Variants in SKI observed in about 807,000 individuals in gnomAD.
SKI encodes SKI proto-oncogene.
SKI carries 23 observed loss-of-function variants against 59.3 expected under a neutral mutation model. The observed-to-expected ratio is 0.39, with a 90% CI of 0.28 to 0.55. The LOEUF is 0.55. Among genes scored for constraint, SKI ranks in the 20% least tolerant of loss-of-function variants. The pLI is 0.67. For synonymous variants in SKI, 673 were observed against 488.6 expected (o/e 1.38, Z -4.98); for missense variants, 1,017 against 1,038.9 (o/e 0.98, Z 0.29).
At chr1:2,283,298 C>T (rs1639953949) in intron 1 of SKI, among the ~76,000 whole-genome samples, 1 of 152,212 alleles carries the variant, frequency 6.6e-6, no homozygotes. Flanking sequence ...GCTCTTGTTG[C>T]TGGCCCAGGG....
intron 1 of SKI, among the ~76,000 whole-genome samples, chr1:2,266,775 T>C (rs1370125765): frequency 6.6e-6 from 1 of 152,178 alleles, no homozygotes; most frequent in Non-Finnish European, 1.5e-5. Flanking sequence ...AAAATGAAGA[T>C]GGTGCTGTCG....
Position 2,306,623 on chromosome 1 carries a change from A to C in SKI, c.2045A>C (p.Glu682Ala). The change falls in exon 7 of 7, where the codon GAG becomes GCG. Residue 682 changes from glutamate (E) to alanine (A), a missense_variant. Coordinates refer to ENST00000378536, the MANE Select transcript of SKI (RefSeq NM_003036.4). ...CTGCAGCACGCGGAGGCGGACCGGGAGCAGCTGCGGGCCGACCTGCTGCGG... is the reference window on the plus strand; with the variant it reads ...CTGCAGCACGCGGAGGCGGACCGGGCGCAGCTGCGGGCCGACCTGCTGCGG... ...VKLQHAEADR[E>A]QLRADLLRER... The C allele has an allele frequency of 6.5e-7, 1 of 1,544,838 alleles. No individual in the cohort carries two copies. Among genetic ancestry groups the C allele is most frequent in the Non-Finnish European group, 8.7e-7 (1 of 1,145,500 alleles).
At position 2,304,414 on chromosome 1, in the gene SKI, C is replaced by T. The variant is rs752673852; in HGVS notation, c.1596C>T (p.Ala532=). ...CCGTCCCTGATGCTGCGGCCCCTGC[C>T]GACGCCCCCAGTGGGCTGGAGGCGG... ...PSAVPDAAAP[A]DAPSGLEAEL... is the part of the protein sequence containing the mutation. The change falls in exon 5 of 7, where the codon GCC becomes GCT. Residue 532 remains alanine, a synonymous_variant. Coordinates refer to ENST00000378536, the MANE Select transcript of SKI (RefSeq NM_003036.4). 36 of 1,554,270 alleles carry T rather than the reference C, an allele frequency of 2.3e-5. No homozygotes were observed. The highest frequency in any genetic ancestry group is 3.0e-5 in the Non-Finnish European group (34 of 1,149,392).
At chr1:2,235,360 C>T (rs1286327644) in intron 1 of SKI, among the ~76,000 whole-genome samples, 1 of 152,140 alleles carries the variant, frequency 6.6e-6, no homozygotes, top group African/African-American at 2.4e-5. Context: ...GTGGGTTCTG[C>T]CACGGAAGGC....
intron 1 of SKI, among the ~76,000 whole-genome samples, chr1:2,243,359 C>T (rs981749182): frequency 1.3e-5 from 2 of 152,370 alleles, no homozygotes; most frequent in African/African-American, 4.8e-5. Flanking sequence ...GGCAGGGGGC[C>T]GCCATCCTTA....
At chr1:2,253,762 G>A (rs1372841347) in intron 1 of SKI, among the ~76,000 whole-genome samples, 1 of 152,218 alleles carries the variant, frequency 6.6e-6, no homozygotes, top group African/African-American at 2.4e-5. Context: ...GCCCTGGTGC[G>A]GCCCTGGCTT....
chr1:2,280,627 G>T (rs1639856799), intron 1 of SKI, among the ~76,000 whole-genome samples: 1 of 144,894 alleles, frequency 6.9e-6, no homozygotes, highest in Admixed American at 6.8e-5. Context: ...AAGACAGGCG[G>T]CGGCGGCGAT....
intron 1 of SKI, among the ~76,000 whole-genome samples, chr1:2,230,481 C>T (rs957032954): frequency 9.9e-5 from 15 of 152,166 alleles, no homozygotes; most frequent in Non-Finnish European, 1.8e-4. Context: ...CTCCTGGGCC[C>T]GCGTGCTGGA....
intron 1 of SKI, among the ~76,000 whole-genome samples, chr1:2,245,083 C>T (rs1211664574): frequency 1.3e-5 from 2 of 152,178 alleles, no homozygotes; most frequent in Non-Finnish European, 2.9e-5. Context: ...ATGAGACACT[C>T]ACTCCCCATT....
chr1:2,254,240 CCTG>C (rs1162586970), intron 1 of SKI, among the ~76,000 whole-genome samples: 2 of 152,306 alleles, frequency 1.3e-5, no homozygotes, highest in East Asian at 3.9e-4. Flanking sequence ...GAGGCCACGA[CCTG>C]CTGGTGCGCC....
At chr1:2,244,587 G>A (rs983270274) in intron 1 of SKI, among the ~76,000 whole-genome samples, 4 of 152,152 alleles carry the variant, frequency 2.6e-5, no homozygotes, top group Non-Finnish European at 2.9e-5. Flanking sequence ...CTCAAAAAAC[G>A]AAAAGCAAAA....
chr1:2,250,495 A>AGCG (rs1376980263), intron 1 of SKI, among the ~76,000 whole-genome samples: 1 of 152,226 alleles, frequency 6.6e-6, no homozygotes, highest in African/African-American at 2.4e-5. Flanking sequence ...ACCTACATAC[A>AGCG]GCGAAGTTGC....
At chr1:2,254,395 A>T (rs1639229932) in intron 1 of SKI, among the ~76,000 whole-genome samples, 1 of 152,180 alleles carries the variant, frequency 6.6e-6, no homozygotes, top group African/African-American at 2.4e-5. Flanking sequence ...CCAGCGTGAC[A>T]TGTCCCCGTC....
At chr1:2,272,918 G>T (rs1267214580) in intron 1 of SKI, among the ~76,000 whole-genome samples, 1 of 152,180 alleles carries the variant, frequency 6.6e-6, no homozygotes, top group Non-Finnish European at 1.5e-5. Context: ...CCAGGCGGAG[G>T]GGGAGGTGGT....
At position 2,303,755 on chromosome 1, in the gene SKI, A is replaced by AT; in HGVS notation, c.1212-85_1212-84insT. On this transcript the variant is annotated intron_variant, in intron 3 of 6. Coordinates refer to ENST00000378536, the MANE Select transcript of SKI (RefSeq NM_003036.4). The surrounding 1 kb of genome is among the most constrained non-coding windows in gnomAD (Gnocchi z 5.6). Reference sequence around the variant, plus strand: ...GCTGGGAAAGTCTTTCCTGTTTAACACCTTCAGAGGGGGTGTGCGCCAGGA... The same window carrying AT: ...GCTGGGAAAGTCTTTCCTGTTTAACATCCTTCAGAGGGGGTGTGCGCCAGGA... 6.5e-7 allele frequency: 1 copy of AT among 1,537,792 alleles called. No individual in the cohort carries two copies. Among genetic ancestry groups the AT allele is most frequent in the Non-Finnish European group, 8.9e-7 (1 of 1,128,496 alleles).
At position 2,306,693 on chromosome 1, in the gene SKI, G is replaced by A. The variant is rs890619764; in HGVS notation, c.2115G>A (p.Leu705=). The part of the protein sequence containing the change: ...REHLEKVVKE[L]QEQLWPRARP... Reference sequence around the variant, plus strand: ...ACCTGGAGAAGGTGGTGAAGGAGCTGCAGGAACAGCTGTGGCCGCGGGCCC... The same window carrying A: ...ACCTGGAGAAGGTGGTGAAGGAGCTACAGGAACAGCTGTGGCCGCGGGCCC... Residue 705 remains leucine, a synonymous_variant, in exon 7 of 7, where the codon CTG becomes CTA. Coordinates refer to ENST00000378536, the MANE Select transcript of SKI (RefSeq NM_003036.4). 6.5e-7 allele frequency: 1 copy of A among 1,543,776 alleles called. No individual in the cohort carries two copies. Among genetic ancestry groups the A allele is most frequent in the Non-Finnish European group, 8.7e-7 (1 of 1,144,926 alleles).
rs1429444380 is a variant in SKI at position 2,307,086 on chromosome 1, T to G, written c.*321T>G. 1 of 185,996 alleles carries G rather than the reference T, an allele frequency of 5.4e-6. No homozygotes were observed. The highest frequency in any genetic ancestry group is 1.4e-4 in the East Asian group (1 of 7,388). 11.5% of individuals were successfully genotyped at this position (185,996 alleles called of 1,614,324 possible). A position where few individuals can be genotyped will look rare whatever the true frequency, so the allele number is the denominator to read the frequency against. ...AGCTATTTAAAACCAGTAAGGAGAC[T>G]TGAAATTCAGAAAATCAACACATTT... On this transcript the variant is annotated 3_prime_UTR_variant, in exon 7 of 7. Coordinates refer to ENST00000378536, the MANE Select transcript of SKI (RefSeq NM_003036.4).
rs1638555968 is a variant in SKI at position 2,228,638 on chromosome 1, C to G, written c.-129C>G. ...GGGCGAGGCCGCGGCCGTGATCGGC[C>G]GTGAGCCGGCGGCGGGGGGCGGCCG... is the stretch of plus-strand genomic sequence containing the variant. On this transcript the variant is annotated 5_prime_UTR_variant, in exon 1 of 7. Transcript: ENST00000378536. 3 of 293,382 alleles carry G rather than the reference C, an allele frequency of 1.0e-5. No individual in the cohort carries two copies. The highest frequency in any genetic ancestry group is 1.3e-4 in the South Asian group (1 of 7,680). The allele number at this position is 293,382 out of a possible 1,614,324, so 18.2% of individuals were successfully genotyped here.
At position 2,269,117 on chromosome 1, in the gene SKI, A is replaced by G. The variant is rs1459610702; in HGVS notation, c.970-33861A>G. 2.0e-5 allele frequency among the ~76,000 whole-genome samples: 3 copies of G among 152,004 alleles called. No individual in the cohort carries two copies. The highest frequency in any genetic ancestry group is 6.6e-5 in the Admixed American group (1 of 15,258). ...CACCACTACATCTGGCTAACGTTTT[A>G]TATTTTTTGGGTAGAGATGGGGTCT... On this transcript the variant is annotated intron_variant, in intron 1 of 6. Transcript: ENST00000378536. This position sits in a 1 kb window ranked among gnomAD's most constrained non-coding sequence, Gnocchi z 4.7.
Sources: allele counts gnomAD v4.1 joint callset (sites outside exome capture counted in the v4.1 genomes callset), GRCh38; gene constraint gnomAD v4.1.1; non-coding constraint Gnocchi (gnomAD v3.1); transcripts MANE v1.5; gene names NCBI Gene and HGNC (gene_info 2026-07-23, HGNC 2026-07-21).